Variants in FHIT observed in about 807,000 individuals in gnomAD.
FHIT encodes the protein fragile histidine triad diadenosine triphosphatase, also known as bis(5'-adenosyl)-triphosphatase.
FHIT carries 19 observed loss-of-function variants against 17.9 expected under a neutral mutation model. The observed-to-expected ratio is 1.06, with a 90% CI of 0.74 to 1.56. FHIT has a LOEUF of 1.56. Ranked by LOEUF, FHIT falls within the 40% of genes most tolerant of loss-of-function variation. The pLI, the probability that FHIT is intolerant of heterozygous loss-of-function variation, is 0.00. For missense variants in FHIT, 248 were observed against 189.2 expected (o/e 1.31, Z -1.82); for synonymous variants, 81 against 69.7 (o/e 1.16, Z -0.81).
At chr3:61,188,410 A>T (rs941052905) in intron 2 of FHIT, among the ~76,000 whole-genome samples, 26 of 152,240 alleles carry the variant, frequency 1.7e-4, no homozygotes, top group East Asian at 5.8e-4. Context: ...AATAGACCAA[A>T]AACAGGCTCT....
At chr3:60,425,556 A>AT (rs1702630959) in intron 5 of FHIT, among the ~76,000 whole-genome samples, 2 of 152,092 alleles carry the variant, frequency 1.3e-5, no homozygotes, top group South Asian at 4.1e-4. Flanking sequence ...GAAAATGAAG[A>AT]TTTTAACACA....
At chr3:60,920,616 T>G (rs919816670) in intron 3 of FHIT, among the ~76,000 whole-genome samples, 2 of 152,016 alleles carry the variant, frequency 1.3e-5, no homozygotes, top group African/African-American at 4.8e-5. Context: ...AAACCCAACA[T>G]GCCAAGGACC....
chr3:60,560,844 C>CACACACAGAGAGAG (rs139684970), intron 4 of FHIT, among the ~76,000 whole-genome samples: 2 of 122,262 alleles, frequency 1.6e-5, no homozygotes, highest in Non-Finnish European at 3.4e-5. Context: ...CACACACACA[C>CACACACAGAGAGAG]AGAGAGAGAG....
At chr3:59,754,418 G>C (rs1177395290) in intron 8 of FHIT, among the ~76,000 whole-genome samples, 1 of 152,182 alleles carries the variant, frequency 6.6e-6, no homozygotes, top group Admixed American at 6.5e-5. Flanking sequence ...AGTTGCTACA[G>C]GCAAGGCAAA....
intron 8 of FHIT, among the ~76,000 whole-genome samples, chr3:59,809,831 T>C (rs1485721): frequency 2.0e-4 from 31 of 152,148 alleles, no homozygotes; most frequent in African/African-American, 6.5e-4. Flanking sequence ...TTCCCTCACA[T>C]TGTTCCTCCT....
chr3:61,037,522 A>G (rs1349281572), intron 3 of FHIT, among the ~76,000 whole-genome samples: 2 of 152,218 alleles, frequency 1.3e-5, no homozygotes, highest in Non-Finnish European at 2.9e-5. Context: ...TTAGCACATC[A>G]AATGCTATGG....
intron 2 of FHIT, among the ~76,000 whole-genome samples, chr3:61,188,411 A>G (rs1326358003): frequency 6.6e-6 from 1 of 152,182 alleles, no homozygotes; most frequent in Admixed American, 6.5e-5. Flanking sequence ...ATAGACCAAA[A>G]ACAGGCTCTG....
intron 3 of FHIT, among the ~76,000 whole-genome samples, chr3:60,911,380 C>CAG (rs1313064339): frequency 6.6e-6 from 1 of 151,244 alleles, no homozygotes; most frequent in Admixed American, 6.6e-5. Context: ...TGCACACACA[C>CAG]ACACACACAC....
chr3:60,787,131 T>C (rs1700610247), intron 4 of FHIT, among the ~76,000 whole-genome samples: 1 of 152,120 alleles, frequency 6.6e-6, no homozygotes, highest in African/African-American at 2.4e-5. Flanking sequence ...AAGGAAGGGA[T>C]AGAGAGCAGC....
At chr3:61,117,809 G>A (rs759484689) in intron 2 of FHIT, among the ~76,000 whole-genome samples, 16 of 152,056 alleles carry the variant, frequency 1.1e-4, no homozygotes, top group Non-Finnish European at 4.4e-5. Context: ...TTTTCCACTT[G>A]CTAATTGCCT....
At chr3:60,222,000 A>G (rs1703983479) in intron 5 of FHIT, among the ~76,000 whole-genome samples, 1 of 152,034 alleles carries the variant, frequency 6.6e-6, no homozygotes. Context: ...GGCCTTATCT[A>G]TCTTTCCTAT....
intron 5 of FHIT, among the ~76,000 whole-genome samples, chr3:60,270,008 C>T (rs577636980): frequency 1.3e-5 from 2 of 152,234 alleles, no homozygotes; most frequent in South Asian, 2.1e-4. Context: ...CCTCATACGA[C>T]GCCAGAACTA....
rs149105072 is a variant in FHIT at position 60,159,488 on chromosome 3, C to T, written c.104-145336G>A. ...ATACATATCCTCACAAGCCAATTTTCGTATGGTTTAAATTAAATTATAAGG... is the reference window on the plus strand; with the variant it reads ...ATACATATCCTCACAAGCCAATTTTTGTATGGTTTAAATTAAATTATAAGG... On this transcript the variant is annotated intron_variant, in intron 5 of 9. Transcript: ENST00000492590. Among the ~76,000 whole-genome samples, 558 of 152,140 alleles carry T rather than the reference C, an allele frequency of 3.7e-3. 1 individual carries two copies. The highest frequency in any genetic ancestry group is 0.013 in the African/African-American group (519 of 41,520).
chr3:60,365,556 C>A (rs1282228603), intron 5 of FHIT, among the ~76,000 whole-genome samples: 1 of 152,102 alleles, frequency 6.6e-6, no homozygotes, highest in Non-Finnish European at 1.5e-5. Context: ...ATATTTCTTC[C>A]TTCATAATTC....
intron 8 of FHIT, among the ~76,000 whole-genome samples, chr3:59,791,225 T>A (rs1026573538): frequency 3.3e-5 from 5 of 152,204 alleles, no homozygotes; most frequent in African/African-American, 1.2e-4. Flanking sequence ...GGGAACCCTA[T>A]CCTTCTGGCC....
intron 1 of FHIT, among the ~76,000 whole-genome samples, chr3:61,203,834 C>G (rs1452478436): frequency 1.3e-5 from 2 of 152,208 alleles, no homozygotes; most frequent in African/African-American, 4.8e-5. Context: ...ACCAGCATTT[C>G]TTTCTCTGTC....
At chr3:60,428,498 T>C (rs1456722650) in intron 5 of FHIT, among the ~76,000 whole-genome samples, 3 of 152,176 alleles carry the variant, frequency 2.0e-5, no homozygotes, top group Admixed American at 1.3e-4. Context: ...TGAGTCTGCA[T>C]CCAGATTGTT....
intron 8 of FHIT, among the ~76,000 whole-genome samples, chr3:59,903,659 G>C (rs1340056761): frequency 6.6e-6 from 1 of 152,162 alleles, no homozygotes; most frequent in African/African-American, 2.4e-5. Flanking sequence ...GTAGCCTGGA[G>C]TAGTTAGAAA....
intron 2 of FHIT, among the ~76,000 whole-genome samples, chr3:61,131,844 G>C (rs993051035): frequency 6.6e-6 from 1 of 152,170 alleles, no homozygotes; most frequent in Non-Finnish European, 1.5e-5. Context: ...TTCCTTCCTT[G>C]GTGTCAGAAC....
Sources: allele counts gnomAD v4.1 joint callset (sites outside exome capture counted in the v4.1 genomes callset), GRCh38; gene constraint gnomAD v4.1.1; transcripts MANE v1.5; gene names NCBI Gene and HGNC (gene_info 2026-07-23, HGNC 2026-07-21).